ACTR3B: variants seen among roughly 807,000 people sequenced by gnomAD.
The protein encoded by ACTR3B is actin-related protein 3B.
A neutral mutation model predicts 59.0 loss-of-function variants in ACTR3B; 8 were observed. The ratio of observed to expected loss-of-function variants is 0.14; its 90% CI spans 0.08 to 0.24. ACTR3B has a LOEUF of 0.24. Among genes scored for constraint, ACTR3B ranks in the 10% least tolerant of loss-of-function variants. ACTR3B has a pLI of 1.00. For synonymous variants in ACTR3B, 148 were observed against 197.9 expected, an observed-to-expected ratio of 0.75 and a Z score of 2.12; for missense variants, 245 against 552.3, an observed-to-expected ratio of 0.44 and a Z score of 5.58.
chr7:152,846,975 G>A (rs547535375), intron 9 of ACTR3B, among the ~76,000 whole-genome samples: 149 of 148,284 alleles, frequency 1.0e-3, no homozygotes, highest in African/African-American at 3.5e-3. Flanking sequence ...AGTCTGCAGT[G>A]AGCCCCAGTG....
intron 4 of ACTR3B, among the ~76,000 whole-genome samples, chr7:152,810,359 T>TTTG: frequency 6.6e-6 from 1 of 150,390 alleles, no homozygotes; most frequent in Non-Finnish European, 1.5e-5. Context: ...CACCTGCCCC[T>TTTG]GCCTCCCAAA....
intron 10 of ACTR3B, among the ~76,000 whole-genome samples, chr7:152,852,657 G>A (rs532449744): frequency 6.6e-6 from 1 of 152,284 alleles, no homozygotes; most frequent in African/African-American, 2.4e-5. Context: ...GTTACAAGGC[G>A]TTCCTCCAAG....
At position 152,812,034 on chromosome 7, in the gene ACTR3B, T is replaced by C. The variant is rs1189734599; in HGVS notation, c.337-2516T>C. The C allele has an allele frequency of 5.7e-3, 315 of 54,792 alleles. 15 individuals carry two copies. The highest frequency in any genetic ancestry group is 0.015 in the African/African-American group (306 of 19,902). 3.4% of individuals were successfully genotyped at this position (54,792 alleles called of 1,614,324 possible). ...AAATAAAAGTCTTTTTTTTTTTTTTTTTTTTTTTTTTTTTGAGACGGAGTC... is the reference window on the plus strand; with the variant it reads ...AAATAAAAGTCTTTTTTTTTTTTTTCTTTTTTTTTTTTTTGAGACGGAGTC... On this transcript the variant is annotated intron_variant, in intron 4 of 11. Coordinates refer to ENST00000256001, the MANE Select transcript of ACTR3B (RefSeq NM_020445.6).
chr7:152,781,192 G>GTTTT (rs2098152140), intron 1 of ACTR3B, among the ~76,000 whole-genome samples: 1 of 113,812 alleles, frequency 8.8e-6, no homozygotes, highest in Admixed American at 8.6e-5. Context: ...TCGTTTCAGT[G>GTTTT]GTTTTTTTTT....
At chr7:152,838,945 C>T in intron 9 of ACTR3B, among the ~76,000 whole-genome samples, 1 of 152,086 alleles carries the variant, frequency 6.6e-6, no homozygotes, top group Non-Finnish European at 1.5e-5. Flanking sequence ...GAAGTATATC[C>T]AGAGGAGCAT....
chr7:152,783,543 G>A (rs1377950306), intron 2 of ACTR3B, among the ~76,000 whole-genome samples: 1 of 151,704 alleles, frequency 6.6e-6, no homozygotes, highest in Admixed American at 6.6e-5. Context: ...AGTACATACA[G>A]TCTGTTAGCT....
intron 2 of ACTR3B, among the ~76,000 whole-genome samples, chr7:152,799,471 A>G (rs1051430055): frequency 1.1e-4 from 16 of 152,234 alleles, no homozygotes; most frequent in Admixed American, 9.8e-4. Context: ...TAGTGTGCAA[A>G]AGGAAACACT....
chr7:152,850,044 C>G (rs1798671864), intron 9 of ACTR3B, among the ~76,000 whole-genome samples: 1 of 149,924 alleles, frequency 6.7e-6, no homozygotes, highest in African/African-American at 2.5e-5. Flanking sequence ...AGGTGGAAGG[C>G]CAGCTTCTCC....
chr7:152,782,118 A>T (rs993875859), intron 1 of ACTR3B, among the ~76,000 whole-genome samples: 13 of 152,126 alleles, frequency 8.5e-5, no homozygotes, highest in African/African-American at 2.9e-4. Context: ...ATACTTAAAA[A>T]TCGTAAAATT....
chr7:152,827,767 C>T (rs1399003566), intron 9 of ACTR3B, among the ~76,000 whole-genome samples: 1 of 152,244 alleles, frequency 6.6e-6, no homozygotes, highest in Non-Finnish European at 1.5e-5. Context: ...ACCACTGCCT[C>T]TCCTGTAGCC....
chr7:152,799,571 G>T (rs4726207), intron 2 of ACTR3B, among the ~76,000 whole-genome samples: 90,177 of 151,956 alleles, frequency 0.59, 28,173 homozygotes, highest in East Asian at 0.75. Flanking sequence ...TAAAGATGGG[G>T]GTTATCTGAT....
intron 2 of ACTR3B, among the ~76,000 whole-genome samples, chr7:152,790,422 A>G (rs2098191776): frequency 6.6e-6 from 1 of 152,010 alleles, no homozygotes; most frequent in Non-Finnish European, 1.5e-5. Context: ...GCCTCCAGTG[A>G]TCCTCCTGCC....
chr7:152,833,993 G>C (rs901255712), intron 9 of ACTR3B, among the ~76,000 whole-genome samples: 1 of 151,964 alleles, frequency 6.6e-6, no homozygotes, highest in African/African-American at 2.4e-5. Flanking sequence ...AAGGGAGGAG[G>C]GTGGTCAGAG....
At chr7:152,762,076 C>T (rs986923450) in intron 1 of ACTR3B, among the ~76,000 whole-genome samples, 1 of 152,130 alleles carries the variant, frequency 6.6e-6, no homozygotes, top group African/African-American at 2.4e-5. Context: ...ACATAGTGGG[C>T]ACTAATGATT....
intron 2 of ACTR3B, among the ~76,000 whole-genome samples, chr7:152,794,847 T>G (rs1590276550): frequency 6.6e-6 from 1 of 152,236 alleles, no homozygotes; most frequent in East Asian, 1.9e-4. Flanking sequence ...CGTGCTTTCT[T>G]CAGTTCTGCT....
At chr7:152,842,567 G>A (rs1797951012) in intron 9 of ACTR3B, among the ~76,000 whole-genome samples, 1 of 105,146 alleles carries the variant, frequency 9.5e-6, no homozygotes, top group Non-Finnish European at 2.3e-5. Flanking sequence ...TGCTCCGCGT[G>A]TTCTCTGTTT....
At chr7:152,760,727 A>G (rs2098087026) in intron 1 of ACTR3B, among the ~76,000 whole-genome samples, 1 of 152,186 alleles carries the variant, frequency 6.6e-6, no homozygotes, top group Non-Finnish European at 1.5e-5. Context: ...CCGTTAAGCT[A>G]TTAAAAAGAG....
At chr7:152,782,492 T>G (rs907257347) in intron 1 of ACTR3B, among the ~76,000 whole-genome samples, 18 of 152,100 alleles carry the variant, frequency 1.2e-4, no homozygotes, top group Non-Finnish European at 1.6e-4. Context: ...TTTGTTTTAG[T>G]TAAGACTTTT....
intron 4 of ACTR3B, among the ~76,000 whole-genome samples, chr7:152,805,189 AAG>A (rs1253409628): frequency 4.6e-5 from 7 of 151,222 alleles, no homozygotes; most frequent in African/African-American, 1.7e-4. Context: ...GGTAGCAGTT[AAG>A]AGAGAAATCT....
Sources: gnomAD v4.1 joint callset for allele counts (sites outside exome capture counted in the v4.1 genomes callset) on GRCh38, gnomAD v4.1.1 for gene constraint, MANE v1.5 for transcripts, NCBI Gene and HGNC (gene_info 2026-07-23, HGNC 2026-07-21) for gene names.